The following SLC35F4 variants were observed in gnomAD, a reference collection of about 807,000 sequenced individuals.
The protein encoded by SLC35F4 is chromosome 14 open reading frame 36.
Under a neutral mutation model 44.2 loss-of-function variants are expected in SLC35F4, and 24 were observed. The observed-to-expected ratio is 0.54, with a 90% CI of 0.39 to 0.76. The LOEUF is 0.76. SLC35F4 is among the 30% of genes least tolerant of loss of function. SLC35F4 has a pLI of 0.00. For missense variants in SLC35F4, 562 were observed against 586.1 expected, an observed-to-expected ratio of 0.96 and a Z score of 0.42; for synonymous variants, 238 against 223.6, an observed-to-expected ratio of 1.06 and a Z score of -0.57.
Position 57,569,935 on chromosome 14 carries a change from C to T in SLC35F4, c.979G>A (p.Ala327Thr). 1.9e-6 allele frequency: 3 copies of T among 1,611,356 alleles called. No homozygotes were observed. The highest frequency in any genetic ancestry group is 1.1e-5 in the South Asian group (1 of 90,262). The change falls in exon 6 of 8, where the codon GCA becomes ACA. Residue 327 changes from alanine to threonine, a missense_variant. Physicochemically the swap from Ala to Thr is moderately conservative, Grantham distance 58 (BLOSUM62 0). Coordinates refer to ENST00000556826, the MANE Select transcript of SLC35F4 (RefSeq NM_001306087.2). ...AAACCCAAGGTGGAGACAAAGTGTG[C>T]AGCTTCCCCAAAGTTGGCACTTCCA... ...FLGSANFGEAAHFVSTLGFFN... is the reference protein window; with the variant it reads ...FLGSANFGEATHFVSTLGFFN...
chr14:57,772,064 G>A (rs531499851), intron 1 of SLC35F4, among the ~76,000 whole-genome samples: 24 of 152,200 alleles, frequency 1.6e-4, no homozygotes, highest in East Asian at 7.7e-4. Flanking sequence ...ACTACACATC[G>A]AAATAGGAAA....
intron 1 of SLC35F4, among the ~76,000 whole-genome samples, chr14:57,928,070 C>A (rs527936896): frequency 1.8e-4 from 27 of 151,066 alleles, no homozygotes; most frequent in African/African-American, 6.6e-4. Flanking sequence ...AAAAAAAAAA[C>A]CTGTGGACCC....
At chr14:57,943,644 A>G (rs1175929078) in intron 1 of SLC35F4, among the ~76,000 whole-genome samples, 4 of 152,160 alleles carry the variant, frequency 2.6e-5, no homozygotes, top group African/African-American at 9.7e-5. Context: ...CCGCCTCCAC[A>G]CAACCCAGAG....
At chr14:57,903,098 G>C (rs1009712968) in intron 1 of SLC35F4, among the ~76,000 whole-genome samples, 9 of 152,178 alleles carry the variant, frequency 5.9e-5, no homozygotes, top group African/African-American at 2.2e-4. Flanking sequence ...TTAGTTTGCT[G>C]CAATGTGTTG....
At chr14:57,588,240 T>C (rs2139878297) in intron 3 of SLC35F4, among the ~76,000 whole-genome samples, 1 of 152,336 alleles carries the variant, frequency 6.6e-6, no homozygotes, top group Admixed American at 6.5e-5. Flanking sequence ...GTACCAGTTG[T>C]AATAATTTCT....
chr14:57,957,299 G>T (rs1052546110), intron 1 of SLC35F4, among the ~76,000 whole-genome samples: 8 of 152,036 alleles, frequency 5.3e-5, no homozygotes, highest in Admixed American at 2.6e-4. Flanking sequence ...GGGGGTAGGG[G>T]CTAGGGGAGG....
chr14:57,631,951 A>G (rs2072796944), intron 1 of SLC35F4, among the ~76,000 whole-genome samples: 1 of 152,124 alleles, frequency 6.6e-6, no homozygotes, highest in Non-Finnish European at 1.5e-5. Context: ...TACTTTTTTC[A>G]ATTTTGGTTT....
intron 1 of SLC35F4, among the ~76,000 whole-genome samples, chr14:57,698,642 C>CTTT (rs35036166): frequency 7.6e-5 from 11 of 144,874 alleles, no homozygotes; most frequent in Non-Finnish European, 9.1e-5. Flanking sequence ...AAACATGTCA[C>CTTT]TTTTTTTTTT....
intron 1 of SLC35F4, among the ~76,000 whole-genome samples, chr14:57,705,933 A>C (rs555528851): frequency 2.0e-3 from 304 of 152,284 alleles, no homozygotes; most frequent in African/African-American, 7.1e-3. Context: ...AAACAGAAAG[A>C]ACAATGTGTT....
At chr14:57,673,885 A>C (rs1013304686) in intron 1 of SLC35F4, among the ~76,000 whole-genome samples, 10 of 152,100 alleles carry the variant, frequency 6.6e-5, no homozygotes, top group African/African-American at 2.4e-4. Context: ...AAGACTACTA[A>C]TCTAACAAAG....
intron 1 of SLC35F4, among the ~76,000 whole-genome samples, chr14:57,752,325 C>G (rs1379151832): frequency 1.3e-5 from 2 of 152,148 alleles, no homozygotes; most frequent in Non-Finnish European, 2.9e-5. Context: ...AAAGAGGACT[C>G]CTTAACCTTA....
Position 57,711,959 on chromosome 14 carries a change from G to C in SLC35F4, c.104-117835C>G, listed in dbSNP as rs143184187. Among the ~76,000 whole-genome samples, 3 of 152,262 alleles carry C rather than the reference G, an allele frequency of 2.0e-5. No individual in the cohort carries two copies. The East Asian group carries it at 5.8e-4, about 29-fold the overall frequency. On this transcript the variant is annotated intron_variant, in intron 1 of 7. Coordinates refer to ENST00000556826, the MANE Select transcript of SLC35F4 (RefSeq NM_001306087.2). Reference sequence around the variant, plus strand: ...AGCAGGCAAGAAATGTACTGTGTCTGTTTCTAATTTTAAGTAAGAATCCAG... The same window carrying C: ...AGCAGGCAAGAAATGTACTGTGTCTCTTTCTAATTTTAAGTAAGAATCCAG...
At chr14:57,893,322 C>CT (rs1463906098) in intron 1 of SLC35F4, among the ~76,000 whole-genome samples, 1 of 152,154 alleles carries the variant, frequency 6.6e-6, no homozygotes, top group African/African-American at 2.4e-5. Context: ...TAAGCATGTA[C>CT]TATCTGTCAG....
chr14:57,819,482 A>G (rs1222691653), intron 1 of SLC35F4, among the ~76,000 whole-genome samples: 1 of 151,816 alleles, frequency 6.6e-6, no homozygotes, highest in South Asian at 2.1e-4. Flanking sequence ...CAAAAGGCCA[A>G]GAATGACAGA....
chr14:57,568,944 G>C (rs1410164345), intron 6 of SLC35F4, among the ~76,000 whole-genome samples: 1 of 152,162 alleles, frequency 6.6e-6, no homozygotes, highest in Non-Finnish European at 1.5e-5. Flanking sequence ...TGCTTGGTGA[G>C]AGAAGAGCAG....
chr14:57,933,123 C>A (rs1313480499), intron 1 of SLC35F4, among the ~76,000 whole-genome samples: 1 of 150,320 alleles, frequency 6.7e-6, no homozygotes, highest in Non-Finnish European at 1.5e-5. Context: ...CCAGGTTCAA[C>A]AAATTCTCCT....
At chr14:57,872,059 G>C (rs960163007) in intron 1 of SLC35F4, among the ~76,000 whole-genome samples, 2 of 152,122 alleles carry the variant, frequency 1.3e-5, no homozygotes, top group Non-Finnish European at 2.9e-5. Context: ...GTGGCACAGA[G>C]AACCAGAGAG....
chr14:57,608,084 A>C (rs2071270290), intron 1 of SLC35F4, among the ~76,000 whole-genome samples: 1 of 152,176 alleles, frequency 6.6e-6, no homozygotes, highest in Non-Finnish European at 1.5e-5. Context: ...GTCAGTGGGC[A>C]GTTGGACACA....
In SLC35F4 at chr14:57,917,741, A is replaced by G. The variant is rs572298176; in HGVS notation, n.282+64172T>C. On this transcript the variant is annotated intron_variant and non_coding_transcript_variant, in intron 1 of 1. Transcript: ENST00000556568. ...GGGTACATGTACAGGTTTGTTACAT[A>G]GGAATATTGCACGATGTTGAGGTTT... Among the ~76,000 whole-genome samples the G allele has an allele frequency of 1.4e-3, 212 of 152,296 alleles. 1 individual carries two copies. Among genetic ancestry groups the G allele is most frequent in the Non-Finnish European group, 2.4e-3 (164 of 68,030 alleles).
Sources: gnomAD v4.1 joint callset for allele counts (sites outside exome capture counted in the v4.1 genomes callset) on GRCh38, gnomAD v4.1.1 for gene constraint, MANE v1.5 for transcripts, NCBI Gene and HGNC (gene_info 2026-07-23, HGNC 2026-07-21) for gene names.